Variants in ADAMTSL1 observed in about 807,000 individuals in gnomAD.
ADAMTSL1 encodes ADAMTS like 1.
ADAMTSL1 carries 126 observed loss-of-function variants against 201.8 expected under a neutral mutation model. The observed-to-expected ratio is 0.62, with a 90% CI of 0.54 to 0.72. The LOEUF is 0.72. ADAMTSL1 is among the 30% of genes least tolerant of loss of function. The probability of loss-of-function intolerance (pLI) is 0.00; values close to 1 mark genes in which losing one functional copy is unlikely to be tolerated. For synonymous variants in ADAMTSL1, 1,121 were observed against 903.4 expected, an observed-to-expected ratio of 1.24 and a Z score of -4.32; for missense variants, 2,679 against 2,277.8, an observed-to-expected ratio of 1.18 and a Z score of -3.59.
chr9:18,443,431 C>T lies in ADAMTSL1; in HGVS notation c.208-61398C>T, dbSNP rs77334408. 2.1e-3 allele frequency among the ~76,000 whole-genome samples: 319 copies of T among 152,250 alleles called. 1 individual carries two copies. Among genetic ancestry groups the T allele is most frequent in the African/African-American group, 7.4e-3 (308 of 41,530 alleles). ...GAATTATCTGCAGGAGAAAACTGAA[C>T]CTTCTCAGTAAGCCAGCAGTAGATT... On this transcript the variant is annotated intron_variant, in intron 2 of 29. Transcript: ENST00000680146.
intron 26 of ADAMTSL1, among the ~76,000 whole-genome samples, chr9:18,896,028 TGAAGATA>T (rs1444257430): frequency 1.3e-5 from 2 of 149,828 alleles, no homozygotes; most frequent in African/African-American, 4.9e-5. Flanking sequence ...TTTTCAAACT[TGAAGATA>T]GATAGGCCAA....
chr9:17,919,899 T>C (rs891451557), intron 1 of ADAMTSL1, among the ~76,000 whole-genome samples: 2 of 152,082 alleles, frequency 1.3e-5, no homozygotes, highest in African/African-American at 2.4e-5. Context: ...ACTGCCAGAG[T>C]GTTTTCCAAA....
At chr9:18,109,015 G>GT (rs985672905) in intron 1 of ADAMTSL1, among the ~76,000 whole-genome samples, 12 of 152,140 alleles carry the variant, frequency 7.9e-5, no homozygotes, top group African/African-American at 2.6e-4. Context: ...CAGTGCTATA[G>GT]TTTTTTTGCA....
At chr9:18,531,772 A>T (rs1293626208) in intron 2 of ADAMTSL1, among the ~76,000 whole-genome samples, 1 of 152,214 alleles carries the variant, frequency 6.6e-6, no homozygotes, top group Non-Finnish European at 1.5e-5. Context: ...TGCCAAACAC[A>T]TCACAGAAGC....
chr9:18,660,132 T>C (rs979615361), intron 8 of ADAMTSL1, among the ~76,000 whole-genome samples: 8 of 152,196 alleles, frequency 5.3e-5, no homozygotes, highest in African/African-American at 1.9e-4. Context: ...TTTTCAGATG[T>C]TTCTGGGTAT....
At chr9:18,824,948 G>C (rs776450223) in intron 21 of ADAMTSL1, among the ~76,000 whole-genome samples, 1 of 151,862 alleles carries the variant, frequency 6.6e-6, no homozygotes, top group African/African-American at 2.4e-5. Context: ...TGTCTGCCTC[G>C]GCCTCCCAAA....
intron 1 of ADAMTSL1, among the ~76,000 whole-genome samples, chr9:18,010,427 G>A (rs185180604): frequency 5.9e-4 from 90 of 152,086 alleles, no homozygotes; most frequent in Non-Finnish European, 1.0e-3. Context: ...GGAACACATC[G>A]AAATAAAGGA....
chr9:18,777,473 C>T lies in ADAMTSL1; in HGVS notation c.3244C>T (p.Leu1082=). The change falls in exon 19 of 29, where the codon CTG becomes TTG. Residue 1082 remains leucine, a synonymous_variant. Coordinates refer to ENST00000380548, the MANE Select transcript of ADAMTSL1 (RefSeq NM_001040272.6). Reference sequence around the variant, plus strand: ...CGAGCAGCGGCGCCTGGACGACATCCTGGGGAACCTCTCCCAGCAGCCCGA... The same window carrying T: ...CGAGCAGCGGCGCCTGGACGACATCTTGGGGAACCTCTCCCAGCAGCCCGA... ...VTEQRRLDDI[L]GNLSQQPEEL... The T allele has an allele frequency of 6.3e-7, 1 of 1,593,938 alleles. No homozygotes were observed. The highest frequency in any genetic ancestry group is 8.5e-7 in the Non-Finnish European group (1 of 1,170,608).
chr9:18,430,964 A>T (rs564735576), intron 2 of ADAMTSL1, among the ~76,000 whole-genome samples: 18 of 152,316 alleles, frequency 1.2e-4, no homozygotes, highest in Admixed American at 9.1e-4. Flanking sequence ...ATTTGGATAT[A>T]TTAGGTCCCT....
chr9:18,859,998 A>T (rs1340029529), intron 23 of ADAMTSL1, among the ~76,000 whole-genome samples: 1 of 152,222 alleles, frequency 6.6e-6, no homozygotes, highest in East Asian at 1.9e-4. Context: ...AAGATTTATT[A>T]ATCTGCCTAA....
rs144337476 is a variant in ADAMTSL1 at position 18,804,289 on chromosome 9, G to T, written c.3805+8765G>T. On this transcript the variant is annotated intron_variant, in intron 20 of 28. Transcript: ENST00000380548. ...CAGCTTTTGTGATGAAGTCTTGCAA[G>T]AATAACAAATGAAAGGAAAATGTCT... 6.0e-4 allele frequency among the ~76,000 whole-genome samples: 91 copies of T among 152,252 alleles called. 1 individual carries two copies. In the East Asian group the frequency reaches 6.8e-3, roughly 11 times the overall value.
chr9:17,946,052 ATGTGTATGTGTGTG>A (rs1425321225), intron 1 of ADAMTSL1, among the ~76,000 whole-genome samples: 3 of 107,492 alleles, frequency 2.8e-5, no homozygotes, highest in Non-Finnish European at 5.7e-5. Context: ...TAAGCTCATG[ATGTGTATGTGTGTG>A]TGTGTGTGTG....
intron 2 of ADAMTSL1, among the ~76,000 whole-genome samples, chr9:18,244,470 C>T (rs1831184510): frequency 6.6e-6 from 1 of 152,080 alleles, no homozygotes; most frequent in South Asian, 2.1e-4. Flanking sequence ...ACCCCATGTA[C>T]TTCTCCAGTC....
chr9:18,614,169 G>T (rs191124090), intron 4 of ADAMTSL1, among the ~76,000 whole-genome samples: 3 of 152,282 alleles, frequency 2.0e-5, no homozygotes, highest in Admixed American at 2.0e-4. Flanking sequence ...GACACTGTGG[G>T]CTGTTGTAAG....
At chr9:18,523,656 A>G (rs1277256878) in intron 2 of ADAMTSL1, among the ~76,000 whole-genome samples, 6 of 149,046 alleles carry the variant, frequency 4.0e-5, no homozygotes, top group East Asian at 2.0e-4. Flanking sequence ...AGCTTTCTAC[A>G]TATGGCTAGC....
At chr9:18,602,620 C>A (rs147636586) in intron 4 of ADAMTSL1, among the ~76,000 whole-genome samples, 24 of 152,320 alleles carry the variant, frequency 1.6e-4, no homozygotes, top group African/African-American at 5.8e-4. Flanking sequence ...CTCCATCAAC[C>A]CTTCCCAGGT....
At chr9:18,901,296 A>T (rs994312371) in intron 26 of ADAMTSL1, among the ~76,000 whole-genome samples, 1 of 152,210 alleles carries the variant, frequency 6.6e-6, no homozygotes, top group Non-Finnish European at 1.5e-5. Context: ...GACATATTAA[A>T]TGGAGTCCTT....
intron 3 of ADAMTSL1, among the ~76,000 whole-genome samples, chr9:18,534,516 G>C (rs1256505872): frequency 6.6e-6 from 1 of 152,180 alleles, no homozygotes; most frequent in South Asian, 2.1e-4. Flanking sequence ...GAAACAAAGA[G>C]GTATATGCAT....
intron 1 of ADAMTSL1, among the ~76,000 whole-genome samples, chr9:17,969,641 C>A (rs1322635162): frequency 6.6e-6 from 1 of 151,956 alleles, no homozygotes; most frequent in Non-Finnish European, 1.5e-5. Context: ...AATATTTGAG[C>A]AGTATACTAA....
Sources: gnomAD v4.1 joint callset for allele counts (sites outside exome capture counted in the v4.1 genomes callset) on GRCh38, gnomAD v4.1.1 for gene constraint, MANE v1.5 for transcripts, NCBI Gene and HGNC (gene_info 2026-07-23, HGNC 2026-07-21) for gene names.